KCNAB1: variants seen among roughly 807,000 people sequenced by gnomAD.
KCNAB1 encodes potassium voltage-gated channel subfamily A regulatory beta subunit 1, also known as voltage-gated potassium channel subunit beta-1.
A neutral mutation model predicts 64.6 loss-of-function variants in KCNAB1; 35 were observed. That is an observed-to-expected ratio of 0.54 (90% confidence interval 0.41 to 0.72). KCNAB1 has a LOEUF of 0.72. KCNAB1 is among the 30% of genes least tolerant of loss of function. KCNAB1 has a pLI of 0.00. For synonymous variants in KCNAB1, 177 were observed against 183.8 expected (o/e 0.96, Z 0.30); for missense variants, 401 against 512.9 (o/e 0.78, Z 2.11).
intron 1 of KCNAB1, among the ~76,000 whole-genome samples, chr3:156,339,567 T>A (rs1342774804): frequency 6.6e-6 from 1 of 152,238 alleles, no homozygotes; most frequent in Non-Finnish European, 1.5e-5. Flanking sequence ...TATTATGGCC[T>A]CTGCTCACAA....
intron 11 of KCNAB1, among the ~76,000 whole-genome samples, chr3:156,521,709 TTTAA>T (rs1717949719): frequency 6.6e-6 from 1 of 152,216 alleles, no homozygotes; most frequent in African/African-American, 2.4e-5. Context: ...TGCTTCCATA[TTTAA>T]TTAACATTTT....
chr3:156,193,178 G>A (rs1269650277), intron 1 of KCNAB1, among the ~76,000 whole-genome samples: 1 of 151,558 alleles, frequency 6.6e-6, no homozygotes. Context: ...TGTTATTTTA[G>A]TCATTGCTTT....
intron 1 of KCNAB1, among the ~76,000 whole-genome samples, chr3:156,249,587 A>G (rs1326634322): frequency 1.3e-5 from 2 of 152,084 alleles, no homozygotes; most frequent in African/African-American, 2.4e-5. Context: ...AAAGAAAAAA[A>G]AAGAAAAAAA....
intron 1 of KCNAB1, among the ~76,000 whole-genome samples, chr3:156,256,390 T>A (rs1356906474): frequency 6.6e-6 from 1 of 152,260 alleles, no homozygotes; most frequent in Non-Finnish European, 1.5e-5. Flanking sequence ...TGAAGGATGA[T>A]GTGGCCCAGC....
At chr3:156,502,313 G>A (rs1288535115) in intron 8 of KCNAB1, among the ~76,000 whole-genome samples, 1 of 152,106 alleles carries the variant, frequency 6.6e-6, no homozygotes, top group Admixed American at 6.6e-5. Context: ...AATTAAGGAA[G>A]GTACTGGCTA....
At chr3:156,200,221 G>C (rs528785855) in intron 1 of KCNAB1, among the ~76,000 whole-genome samples, 2 of 152,344 alleles carry the variant, frequency 1.3e-5, no homozygotes, top group East Asian at 3.9e-4. Flanking sequence ...GAGCCTGCCT[G>C]ATGCCAGCCA....
chr3:156,312,731 A>AC (rs1722009171), intron 1 of KCNAB1, among the ~76,000 whole-genome samples: 2 of 144,526 alleles, frequency 1.4e-5, no homozygotes, highest in Admixed American at 6.8e-5. Flanking sequence ...AAAAAAAAAA[A>AC]CTCATAATAA....
In KCNAB1 at chr3:156,439,238, T is replaced by G. The variant is rs964113040; in HGVS notation, c.320-13661T>G. On this transcript the variant is annotated intron_variant, in intron 2 of 13. Transcript: ENST00000490337. ...GCATCATTGTGATTTTTTTTTTTTTTTTTTTTTTTTGGTTCTCACAATACC... is the reference window on the plus strand; with the variant it reads ...GCATCATTGTGATTTTTTTTTTTTTGTTTTTTTTTTGGTTCTCACAATACC... Among the ~76,000 whole-genome samples the G allele has an allele frequency of 8.8e-5, 13 of 148,460 alleles. No homozygotes were observed. In the East Asian group the frequency reaches 1.4e-3, roughly 16 times the overall value.
intron 8 of KCNAB1, among the ~76,000 whole-genome samples, chr3:156,494,019 A>G (rs1177256762): frequency 1.3e-5 from 2 of 152,120 alleles, no homozygotes; most frequent in African/African-American, 4.8e-5. Context: ...GGGGAGATAC[A>G]TTGAAACTAT....
chr3:156,209,711 G>A (rs1714895436), intron 1 of KCNAB1, among the ~76,000 whole-genome samples: 1 of 152,200 alleles, frequency 6.6e-6, no homozygotes, highest in South Asian at 2.1e-4. Flanking sequence ...TATGTTGTGT[G>A]GGGGCTGACA....
intron 11 of KCNAB1, among the ~76,000 whole-genome samples, chr3:156,518,712 C>A (rs1457943148): frequency 1.3e-5 from 2 of 152,160 alleles, no homozygotes; most frequent in African/African-American, 4.8e-5. Context: ...CTATCTAGGG[C>A]TCTTTTAGAA....
rs1316335844 is a variant in KCNAB1, at chr3:156,389,062, A to G, written c.276-32554A>G. Among the ~76,000 whole-genome samples, 8 of 152,148 alleles carry G rather than the reference A, an allele frequency of 5.3e-5. No homozygotes were observed. The South Asian group carries it at 1.0e-3, about 20-fold the overall frequency. On this transcript the variant is annotated intron_variant, in intron 1 of 13. Coordinates refer to ENST00000490337, the MANE Select transcript of KCNAB1 (RefSeq NM_172160.3). The stretch of plus-strand genomic sequence containing the variant: ...CCACAGCCACATGTCTAGTAAGTCA[A>G]TTCTGAAGGTATATGATCTGACATC...
intron 1 of KCNAB1, among the ~76,000 whole-genome samples, chr3:156,221,988 C>A (rs1415784773): frequency 1.3e-4 from 19 of 151,994 alleles, no homozygotes; most frequent in African/African-American, 4.4e-4. Flanking sequence ...CTCACAGGAC[C>A]TATATAACAA....
At chr3:156,523,722 A>G (rs899356655) in intron 11 of KCNAB1, 105 bp from the exon 12 acceptor site, 1 of 1,151,498 alleles carries the variant, frequency 8.7e-7, no homozygotes, top group African/African-American at 1.6e-5. Flanking sequence ...AAGGGTCAAA[A>G]AATTCAGAAA....
intron 1 of KCNAB1, among the ~76,000 whole-genome samples, chr3:156,288,278 C>T (rs532375239): frequency 2.6e-5 from 4 of 152,332 alleles, no homozygotes; most frequent in South Asian, 2.1e-4. Context: ...TCTTAAAATA[C>T]AATCACATTC....
Position 156,153,375 on chromosome 3 carries a change from T to A in KCNAB1, c.275+32489T>A, listed in dbSNP as rs569127854. Among the ~76,000 whole-genome samples the A allele has an allele frequency of 1.4e-3, 213 of 152,316 alleles. 1 individual carries two copies. Among genetic ancestry groups the A allele is most frequent in the Non-Finnish European group, 2.5e-3 (169 of 68,018 alleles). On this transcript the variant is annotated intron_variant, in intron 1 of 13. Transcript: ENST00000490337. Reference sequence around the variant, plus strand: ...TCATGCTCATCATGGCATAGCCCACTGTATGTTTGTTTCTTCTGAGATATC... The same window carrying A: ...TCATGCTCATCATGGCATAGCCCACAGTATGTTTGTTTCTTCTGAGATATC...
chr3:156,355,482 A>T (rs1311433938), intron 1 of KCNAB1, among the ~76,000 whole-genome samples: 6 of 152,304 alleles, frequency 3.9e-5, no homozygotes, highest in South Asian at 2.1e-4. Flanking sequence ...AAAACAAAAA[A>T]GTTAGCCCTG....
intron 1 of KCNAB1, among the ~76,000 whole-genome samples, chr3:156,304,061 A>G (rs1274725874): frequency 1.3e-5 from 2 of 152,206 alleles, no homozygotes; most frequent in African/African-American, 2.4e-5. Context: ...TATCACTGAG[A>G]AAGTATTTGG....
Position 156,537,240 on chromosome 3 carries a change from C to CAAAAAAA in KCNAB1, c.*499_*505dup, listed in dbSNP as rs3085726. The CAAAAAAA allele has an allele frequency of 9.0e-6, 3 of 332,814 alleles. No homozygotes were observed. Among genetic ancestry groups the CAAAAAAA allele is most frequent in the African/African-American group, 2.2e-5 (1 of 45,596 alleles). 20.6% of individuals were successfully genotyped at this position (332,814 alleles called of 1,614,324 possible). ...TAGTTATTAAAAATATATCTCACTG[C>CAAAAAAA]AAAAAAAAAAAAGCAGTATCTTCAC... On this transcript the variant is annotated 3_prime_UTR_variant, in exon 14 of 14. Coordinates refer to ENST00000490337, the MANE Select transcript of KCNAB1 (RefSeq NM_172160.3).
Sources: gnomAD v4.1 joint callset for allele counts (sites outside exome capture counted in the v4.1 genomes callset) on GRCh38, gnomAD v4.1.1 for gene constraint, MANE v1.5 for transcripts, NCBI Gene and HGNC (gene_info 2026-07-23, HGNC 2026-07-21) for gene names.